CAMK4: variants seen among roughly 807,000 people sequenced by gnomAD.
CAMK4 encodes the protein calcium/calmodulin dependent protein kinase IV.
CAMK4 carries 22 observed loss-of-function variants against 44.9 expected under a neutral mutation model. The ratio of observed to expected loss-of-function variants is 0.49; its 90% CI spans 0.35 to 0.70. CAMK4 has a LOEUF of 0.70. Ranked by LOEUF, CAMK4 falls within the 30% of genes least tolerant of loss-of-function variation. The pLI, the probability that CAMK4 is intolerant of heterozygous loss-of-function variation, is 0.01. For synonymous variants in CAMK4, 218 were observed against 215.4 expected, an observed-to-expected ratio of 1.01 and a Z score of -0.11; for missense variants, 498 against 586.8, an observed-to-expected ratio of 0.85 and a Z score of 1.56.
Position 111,441,950 on chromosome 5 carries a change from G to A in CAMK4, c.460-4736G>A, listed in dbSNP as rs2162746. ...TTTTATTCTTTATTTTCTTTTCCTC[G>A]TCTCTATGTACGGTGATTGTGAAGT... is the stretch of plus-strand genomic sequence containing the variant. On this transcript the variant is annotated intron_variant, in intron 5 of 10. Transcript: ENST00000282356. Among the ~76,000 whole-genome samples the A allele has an allele frequency of 6.6e-5, 10 of 152,222 alleles. No individual in the cohort carries two copies. In the East Asian group the frequency reaches 1.6e-3, roughly 24 times the overall value.
chr5:111,416,250 A>G (rs1752809988), intron 5 of CAMK4, among the ~76,000 whole-genome samples: 1 of 152,134 alleles, frequency 6.6e-6, no homozygotes, highest in Non-Finnish European at 1.5e-5. Flanking sequence ...ATACATGCAC[A>G]TATATAAACA....
At chr5:111,266,315 T>C (rs930505584) in intron 1 of CAMK4, among the ~76,000 whole-genome samples, 2 of 152,064 alleles carry the variant, frequency 1.3e-5, no homozygotes, top group African/African-American at 4.8e-5. Flanking sequence ...TGCAGTTGCT[T>C]CCCTCTTCAA....
At chr5:111,419,196 A>T (rs1732478654) in intron 5 of CAMK4, among the ~76,000 whole-genome samples, 1 of 152,212 alleles carries the variant, frequency 6.6e-6, no homozygotes, top group Non-Finnish European at 1.5e-5. Flanking sequence ...ATGGCCAGTG[A>T]TGATGAGCAT....
intron 5 of CAMK4, among the ~76,000 whole-genome samples, chr5:111,421,866 G>A (rs1753044477): frequency 1.3e-5 from 2 of 152,124 alleles, no homozygotes; most frequent in Admixed American, 6.5e-5. Flanking sequence ...TTCCCATGCT[G>A]TTCTCATGAT....
chr5:111,350,867 T>G (rs1368356712), intron 2 of CAMK4, among the ~76,000 whole-genome samples: 3 of 152,100 alleles, frequency 2.0e-5, no homozygotes. Context: ...TTATTTGTCC[T>G]TACATTCTTA....
chr5:111,348,635 A>G (rs994746403), intron 2 of CAMK4, among the ~76,000 whole-genome samples: 2 of 152,166 alleles, frequency 1.3e-5, no homozygotes, highest in African/African-American at 4.8e-5. Context: ...ATGGTTAAAC[A>G]ACAACAAAAA....
chr5:111,360,031 T>A (rs1386021968), intron 2 of CAMK4, among the ~76,000 whole-genome samples: 1 of 152,036 alleles, frequency 6.6e-6, no homozygotes, highest in Non-Finnish European at 1.5e-5. Context: ...AAATCAAAAT[T>A]TACCCACCAC....
Position 111,418,892 on chromosome 5 carries a change from G to T in CAMK4, c.459+24110G>T, listed in dbSNP as rs181170787. ...AGTCTTTGCTATTGTGAATAGTGCC[G>T]CAATAAACATATGTGTGCATGTGTC... is the stretch of plus-strand genomic sequence containing the variant. On this transcript the variant is annotated intron_variant, in intron 5 of 10. Transcript: ENST00000282356. 6.4e-4 allele frequency among the ~76,000 whole-genome samples: 98 copies of T among 152,124 alleles called. No individual in the cohort carries two copies. The East Asian group carries it at 8.5e-3, about 13-fold the overall frequency.
At chr5:111,442,543 T>TATATAC (rs1491136946) in intron 5 of CAMK4, among the ~76,000 whole-genome samples, 2 of 99,382 alleles carry the variant, frequency 2.0e-5, no homozygotes, top group Non-Finnish European at 4.7e-5. Context: ...TATATATATA[T>TATATAC]ACACACACAC....
chr5:111,491,038 TGTCA>T lies in CAMK4; in HGVS notation c.*6577_*6580del, dbSNP rs1163129839. The T allele has an allele frequency of 2.0e-4, 31 of 152,228 alleles. No individual in the cohort carries two copies. The highest frequency in any genetic ancestry group is 2.7e-4 in the African/African-American group (11 of 41,466). 9.4% of individuals were successfully genotyped at this position (152,228 alleles called of 1,614,324 possible). ...TTAGTTATTTATGCTCTTACTTGAA[TGTCA>T]GTCATTCATTTTATCTCTCGTCTTT... On this transcript the variant is annotated 3_prime_UTR_variant, in exon 11 of 11. Transcript: ENST00000282356.
chr5:111,454,381 G>A (rs1754343365), intron 7 of CAMK4, among the ~76,000 whole-genome samples: 1 of 152,130 alleles, frequency 6.6e-6, no homozygotes, highest in African/African-American at 2.4e-5. Context: ...CTCTTTCATA[G>A]AACCCTTGCC....
At chr5:111,390,648 T>C (rs1751764005) in intron 4 of CAMK4, among the ~76,000 whole-genome samples, 2 of 152,236 alleles carry the variant, frequency 1.3e-5, no homozygotes, top group African/African-American at 4.8e-5. Context: ...TCTTATGCAG[T>C]GCTATTAGAA....
chr5:111,409,909 A>G (rs1165175091), intron 5 of CAMK4, among the ~76,000 whole-genome samples: 1 of 152,130 alleles, frequency 6.6e-6, no homozygotes, highest in East Asian at 1.9e-4. Context: ...TCAACATTTT[A>G]GTCAAAGCAA....
intron 1 of CAMK4, among the ~76,000 whole-genome samples, chr5:111,269,410 G>A (rs929986122): frequency 6.6e-6 from 1 of 152,122 alleles, no homozygotes; most frequent in Non-Finnish European, 1.5e-5. Flanking sequence ...TGGTTGTGTG[G>A]GGGAAAGGGC....
chr5:111,266,044 T>G (rs1054324286), intron 1 of CAMK4: 1 of 152,086 alleles, frequency 6.6e-6, no homozygotes, highest in African/African-American at 2.4e-5. Context: ...AGAGAGAAAT[T>G]TAGACATCTT....
chr5:111,438,155 T>C (rs949844600), intron 5 of CAMK4, among the ~76,000 whole-genome samples: 2 of 152,062 alleles, frequency 1.3e-5, no homozygotes, highest in African/African-American at 4.8e-5. Context: ...GTGGAAGAAA[T>C]TGGAAGAGGG....
chr5:111,464,008 C>A (rs1000672019), intron 7 of CAMK4, among the ~76,000 whole-genome samples: 2 of 151,144 alleles, frequency 1.3e-5, no homozygotes, highest in African/African-American at 4.9e-5. Context: ...CCTGAATTGG[C>A]AGAAAAAAAA....
intron 5 of CAMK4, among the ~76,000 whole-genome samples, chr5:111,423,888 C>A (rs1753119309): frequency 6.6e-6 from 1 of 152,194 alleles, no homozygotes; most frequent in Non-Finnish European, 1.5e-5. Context: ...CTAAGTACAT[C>A]ATTTTACTGA....
At chr5:111,395,574 A>G (rs1172671387) in intron 5 of CAMK4, among the ~76,000 whole-genome samples, 1 of 152,154 alleles carries the variant, frequency 6.6e-6, no homozygotes, top group African/African-American at 2.4e-5. Flanking sequence ...GAAAGAATGT[A>G]TCAGTTTTTT....
Sources: allele counts gnomAD v4.1 joint callset (sites outside exome capture counted in the v4.1 genomes callset), GRCh38; gene constraint gnomAD v4.1.1; transcripts MANE v1.5; gene names NCBI Gene and HGNC (gene_info 2026-07-23, HGNC 2026-07-21).